The following APC variants were observed in gnomAD, a reference collection of about 807,000 sequenced individuals.
APC encodes APC regulator of Wnt signaling pathway.
In APC, 72 loss-of-function variants were observed where a neutral mutation model predicts 247.0. That is an observed-to-expected ratio of 0.29 (90% CI 0.24 to 0.35). The LOEUF (loss-of-function observed/expected upper bound fraction) is 0.35, where lower values mean the gene tolerates loss of function less well. APC is among the 10% of genes least tolerant of loss of function. The probability of loss-of-function intolerance (pLI) is 1.00; values close to 1 mark genes in which losing one functional copy is unlikely to be tolerated. For synonymous variants in APC, 1,254 were observed against 1,162.5 expected, an observed-to-expected ratio of 1.08 and a Z score of -1.60; for missense variants, 3,400 against 3,360.7, an observed-to-expected ratio of 1.01 and a Z score of -0.29.
rs1554087829 is a variant in APC at position 112,842,487 on chromosome 5, C to T, written c.6893C>T (p.Ala2298Val). The change falls in exon 16 of 16, where the codon GCA (alanine) becomes GTA (valine). Residue 2298 changes from alanine (A) to valine (V), a missense_variant. Physicochemically the swap from Ala to Val is moderately conservative, Grantham distance 64. This residue lies in a region of APC where 1,788 missense variants were observed against 1,649.5 expected (regional missense o/e 1.08). Coordinates refer to ENST00000257430, the MANE Select transcript of APC (RefSeq NM_000038.6). Reference sequence around the variant, plus strand: ...TCCCAAATAGGTGGGTCAAGTAAAGCACCTTCTAGATCAGGATCTAGAGAT... The same window carrying T: ...TCCCAAATAGGTGGGTCAAGTAAAGTACCTTCTAGATCAGGATCTAGAGAT... ...QTSQIGGSSK[A>V]PSRSGSRDST... 3 of 1,614,018 alleles carry T rather than the reference C, an allele frequency of 1.9e-6. No individual in the cohort carries two copies. The highest frequency in any genetic ancestry group is 2.5e-6 in the Non-Finnish European group (3 of 1,179,940).
At position 112,839,933 on chromosome 5, in the gene APC, C is replaced by G. The variant is rs1561591598; in HGVS notation, c.4339C>G (p.Gln1447Glu). 1 of 1,614,088 alleles carries G rather than the reference C, an allele frequency of 6.2e-7. No homozygotes were observed. Residue 1447 changes from glutamine (Q) to glutamate (E), a missense_variant, in exon 16 of 16, where the codon CAA (glutamine) becomes GAA (glutamate). This residue lies in a region of APC where 1,788 missense variants were observed against 1,649.5 expected (regional missense o/e 1.08). Transcript: ENST00000257430. This position sits in a 1 kb window ranked among gnomAD's most constrained non-coding sequence, Gnocchi z 5.0. ...ACCTCCACCACCTCCTCAAACAGCT[C>G]AAACCAAGCGAGAAGTACCTAAAAA... ...KTPPPPPQTA[Q>E]TKREVPKNKA... is the part of the protein sequence containing the mutation.
Position 112,826,163 on chromosome 5 carries a change from G to C in APC, c.1409-945G>C, listed in dbSNP as rs372262222. On this transcript the variant is annotated intron_variant, in intron 11 of 15. Transcript: ENST00000257430. Reference sequence around the variant, plus strand: ...CAGATCACTTATTAAAAATATTAACGTACTGGCTGTCTTGCAGATGAATGA... The same window carrying C: ...CAGATCACTTATTAAAAATATTAACCTACTGGCTGTCTTGCAGATGAATGA... Among the ~76,000 whole-genome samples the C allele has an allele frequency of 6.4e-4, 97 of 152,172 alleles. No homozygotes were observed. The South Asian group carries it at 0.019, about 30-fold the overall frequency.
At chr5:112,807,156 A>G (rs1761507558) in intron 8 of APC, among the ~76,000 whole-genome samples, 1 of 151,130 alleles carries the variant, frequency 6.6e-6, no homozygotes, top group Non-Finnish European at 1.5e-5. Flanking sequence ...AAAAAAACGT[A>G]AAACCAAAGT....
At chr5:112,709,820 G>T (rs1192179800) in intron 1 of APC, among the ~76,000 whole-genome samples, 2 of 152,194 alleles carry the variant, frequency 1.3e-5, no homozygotes. Context: ...CAGGAGGATT[G>T]TTGGAGCCCG....
At position 112,843,508 on chromosome 5, in the gene APC, T is replaced by C. The variant is rs758440266; in HGVS notation, c.7914T>C (p.Ala2638=). 1 of 1,613,800 alleles carries C rather than the reference T, an allele frequency of 6.2e-7. No homozygotes were observed. The highest frequency in any genetic ancestry group is 1.1e-5 in the South Asian group (1 of 91,086). Residue 2638 remains alanine, a synonymous_variant, in exon 16 of 16, where the codon GCT becomes GCC. Transcript: ENST00000257430. This position sits in a 1 kb window ranked among gnomAD's most constrained non-coding sequence, Gnocchi z 4.8. ...TTTCCTCAGGTGCTACAAATGGTGC[T>C]GAATCAAAGACTCTAATTTATCAAA... ...QTVSSGATNG[A]ESKTLIYQMA... is the part of the protein sequence containing the mutation.
rs1233562831 is a variant in APC, at chr5:112,723,462, CA to C, written c.165+15590del. On this transcript the variant is annotated intron_variant, in intron 1 of 13. Transcript: ENST00000507379. ...GGGGTGACAGAGTCAGACCCCATCT[CA>C]AAAAAAAAAGAAAAAGATCCAGGAG... Among the ~76,000 whole-genome samples, 8 of 140,758 alleles carry C rather than the reference CA, an allele frequency of 5.7e-5. No individual in the cohort carries two copies. The East Asian group carries it at 6.2e-4, about 11-fold the overall frequency. The allele number at this position is 140,758 out of a possible 152,430, so 92.3% of individuals were successfully genotyped here. A position where few individuals can be genotyped will look rare whatever the true frequency, so the allele number is the denominator to read the frequency against.
chr5:112,747,440 A>C (rs1276714364), intron 1 of APC, among the ~76,000 whole-genome samples: 1 of 152,222 alleles, frequency 6.6e-6, no homozygotes, highest in African/African-American at 2.4e-5. Context: ...ATGTAATTGC[A>C]CTGTTTATTA....
intron 1 of APC, among the ~76,000 whole-genome samples, chr5:112,749,896 T>TA (rs1163530024): frequency 1.3e-5 from 2 of 151,466 alleles, no homozygotes; most frequent in Non-Finnish European, 2.9e-5. Flanking sequence ...TTCCTGTCTC[T>TA]AATCATACTT....
At chr5:112,820,620 C>A (rs561792918) in intron 10 of APC, among the ~76,000 whole-genome samples, 1 of 152,120 alleles carries the variant, frequency 6.6e-6, no homozygotes, top group Non-Finnish European at 1.5e-5. Flanking sequence ...TCCACAGTTA[C>A]GTAATGACCC....
intron 8 of APC, among the ~76,000 whole-genome samples, chr5:112,812,027 C>T (rs1163513065): frequency 6.6e-6 from 1 of 152,174 alleles, no homozygotes; most frequent in Non-Finnish European, 1.5e-5. Context: ...ACATGGGCCT[C>T]ACCAAGGGCA....
chr5:112,768,432 T>C (rs1387331608), intron 4 of APC, among the ~76,000 whole-genome samples: 1 of 151,340 alleles, frequency 6.6e-6, no homozygotes, highest in East Asian at 1.9e-4. Context: ...TTGAAGTATA[T>C]TCAGTAACTA....
At chr5:112,717,200 A>G (rs1751222351) in intron 1 of APC, among the ~76,000 whole-genome samples, 2 of 152,106 alleles carry the variant, frequency 1.3e-5, no homozygotes, top group South Asian at 2.1e-4. Flanking sequence ...TTGAGTAGAT[A>G]CGGGGTTTCA....
intron 1 of APC, among the ~76,000 whole-genome samples, chr5:112,742,662 A>T (rs1753182451): frequency 1.3e-5 from 2 of 152,176 alleles, no homozygotes; most frequent in Admixed American, 1.3e-4. Context: ...TTCATGACAT[A>T]GCAGCTGGCT....
chr5:112,786,022 G>T (rs1758908531), intron 6 of APC, among the ~76,000 whole-genome samples: 1 of 152,122 alleles, frequency 6.6e-6, no homozygotes, highest in African/African-American at 2.4e-5. Context: ...CACATAAAGG[G>T]GAAAATGGTA....
At chr5:112,814,894 C>T (rs796612870) in intron 8 of APC, among the ~76,000 whole-genome samples, 14 of 152,336 alleles carry the variant, frequency 9.2e-5, no homozygotes, top group African/African-American at 2.6e-4. Flanking sequence ...CACAAAATGC[C>T]TACCTTAAAT....
intron 6 of APC, among the ~76,000 whole-genome samples, chr5:112,788,419 T>C (rs922004329): frequency 6.6e-6 from 1 of 152,190 alleles, no homozygotes; most frequent in African/African-American, 2.4e-5. Flanking sequence ...AACCAGACCT[T>C]CTATATTCAA....
intron 6 of APC, among the ~76,000 whole-genome samples, chr5:112,783,312 A>G (rs1758554851): frequency 6.6e-6 from 1 of 152,136 alleles, no homozygotes; most frequent in African/African-American, 2.4e-5. Context: ...GGTAGTTAAT[A>G]TTCTAAGGAA....
intron 1 of APC, among the ~76,000 whole-genome samples, chr5:112,714,424 C>T (rs1751039865): frequency 6.6e-6 from 1 of 152,172 alleles, no homozygotes; most frequent in Non-Finnish European, 1.5e-5. Flanking sequence ...TGACAGAAAA[C>T]ACAAAACTGG....
At chr5:112,715,654 A>T (rs1751128564) in intron 1 of APC, among the ~76,000 whole-genome samples, 1 of 152,186 alleles carries the variant, frequency 6.6e-6, no homozygotes, top group South Asian at 2.1e-4. Flanking sequence ...AATGTTTTTT[A>T]AAATTTGGTA....
Sources: gnomAD v4.1 joint callset for allele counts (sites outside exome capture counted in the v4.1 genomes callset) on GRCh38, gnomAD v4.1.1 for gene constraint, gnomAD v4.1.1 regional missense constraint, Gnocchi (gnomAD v3.1) non-coding constraint, MANE v1.5 for transcripts, NCBI Gene and HGNC (gene_info 2026-07-23, HGNC 2026-07-21) for gene names.